SIRT5: variants seen among roughly 807,000 people sequenced by gnomAD.
SIRT5 encodes the protein sirtuin 5, also known as NAD-dependent protein deacylase sirtuin-5, mitochondrial.
A neutral mutation model predicts 40.0 loss-of-function variants in SIRT5; 26 were observed. The observed-to-expected ratio is 0.65, with a 90% CI of 0.48 to 0.90. The LOEUF (loss-of-function observed/expected upper bound fraction) is 0.90. Among genes scored for constraint, SIRT5 ranks in the 40% least tolerant of loss-of-function variants. The pLI is 0.00. For missense variants in SIRT5, 401 were observed against 402.4 expected (o/e 1.00, Z 0.03); for synonymous variants, 146 against 149.1 (o/e 0.98, Z 0.15).
In SIRT5 at chr6:13,578,448, G is replaced by A. The variant is rs1311796519; in HGVS notation, c.-194-1003G>A. On this transcript the variant is annotated intron_variant, in intron 1 of 9. Transcript: ENST00000606117. ...ATCCTGGCTAACACGGTGAAACCCC[G>A]TCTCTACTAAAAATACAAAAAATTA... is the stretch of plus-strand genomic sequence containing the variant. Among the ~76,000 whole-genome samples, 6 of 151,644 alleles carry A rather than the reference G, an allele frequency of 4.0e-5. No homozygotes were observed. In the East Asian group the frequency reaches 7.7e-4, roughly 20 times the overall value.
intron 9 of SIRT5, chr6:13,604,919 C>G: frequency 1.0e-6 from 1 of 1,000,168 alleles, no homozygotes. Context: ...ATCAACCAGA[C>G]TGACCACAAG....
chr6:13,591,752 C>T lies in SIRT5; in HGVS notation c.333C>T (p.Ser111=), dbSNP rs1760931618. The T allele has an allele frequency of 2.5e-6, 4 of 1,613,202 alleles. No individual in the cohort carries two copies. Among genetic ancestry groups the T allele is most frequent in the Non-Finnish European group, 3.4e-6 (4 of 1,179,502 alleles). Residue 111 remains serine (S), a synonymous_variant, in exon 5 of 10, where the codon AGC becomes AGT. Transcript: ENST00000606117. ...ACTACCGGCGGGAGGTCATGGGGAG[C>T]AAGGAGCCCAACGCCGGGCACCGCG... The part of the protein sequence containing the change: ...FYHYRREVMG[S]KEPNAGHRAI...
chr6:13,593,943 A>T (rs1761261816), intron 5 of SIRT5, among the ~76,000 whole-genome samples: 1 of 152,082 alleles, frequency 6.6e-6, no homozygotes, highest in Non-Finnish European at 1.5e-5. Context: ...GTCTCGGGAG[A>T]TGGATGATGC....
At chr6:13,578,857 G>C (rs1758978581) in intron 1 of SIRT5, among the ~76,000 whole-genome samples, 1 of 151,926 alleles carries the variant, frequency 6.6e-6, no homozygotes. Flanking sequence ...TTCATGAAAA[G>C]GCATCGTTAA....
At chr6:13,599,001 C>A in intron 7 of SIRT5, 31 bp from the exon 8 acceptor site, 1 of 1,610,802 alleles carries the variant, frequency 6.2e-7, no homozygotes, top group South Asian at 1.1e-5. Flanking sequence ...AGACTTGGCT[C>A]GGGGTTGGCT....
chr6:13,615,107 T>G lies in SIRT5; in HGVS notation c.*3242T>G, dbSNP rs1764217678. ...GCGATGGCTCTTCCCTGCCTTGAAA[T>G]CAACCCCATTGCCAGCCGCTTTCGC... On this transcript the variant is annotated 3_prime_UTR_variant, in exon 10 of 10. Transcript: ENST00000606117. The G allele has an allele frequency of 2.1e-6, 1 of 469,822 alleles. No homozygotes were observed. Among genetic ancestry groups the G allele is most frequent in the Non-Finnish European group, 3.7e-6 (1 of 268,088 alleles). The allele number at this position is 469,822 out of a possible 1,614,324, so 29.1% of individuals were successfully genotyped here. A position where few individuals can be genotyped will look rare whatever the true frequency, so the allele number is the denominator to read the frequency against.
chr6:13,603,276 CAA>C (rs36093293), intron 9 of SIRT5, among the ~76,000 whole-genome samples: 243 of 49,284 alleles, frequency 4.9e-3, no homozygotes, highest in African/African-American at 0.015. Context: ...GACTCCGTCT[CAA>C]AAAAAAAAAA....
intron 7 of SIRT5, among the ~76,000 whole-genome samples, chr6:13,598,523 A>T (rs1761910749): frequency 6.6e-6 from 1 of 152,182 alleles, no homozygotes; most frequent in African/African-American, 2.4e-5. Flanking sequence ...GTACATACAG[A>T]CAAGATAAAA....
At chr6:13,590,686 T>G (rs1326952898) in intron 4 of SIRT5, among the ~76,000 whole-genome samples, 2 of 152,042 alleles carry the variant, frequency 1.3e-5, no homozygotes, top group Non-Finnish European at 2.9e-5. Context: ...TGTGTAGTTG[T>G]GTATGTAGAT....
At position 13,588,516 on chromosome 6, in the gene SIRT5, A is replaced by G; in HGVS notation, c.249+52A>G. ...AGCCTCTGTCGAATGAAACCATAACAGAGTTTGACTCAAATCCTATACCGA... is the reference window on the plus strand; with the variant it reads ...AGCCTCTGTCGAATGAAACCATAACGGAGTTTGACTCAAATCCTATACCGA... On this transcript the variant is annotated intron_variant, in intron 4 of 9. Transcript: ENST00000606117. 3.2e-6 allele frequency: 5 copies of G among 1,582,904 alleles called. No individual in the cohort carries two copies. In the South Asian group the frequency reaches 3.5e-5, roughly 11 times the overall value.
chr6:13,602,756 T>G (rs1379089030), intron 9 of SIRT5, among the ~76,000 whole-genome samples: 1 of 152,188 alleles, frequency 6.6e-6, no homozygotes, highest in East Asian at 1.9e-4. Flanking sequence ...TGGACCCCTC[T>G]GTCACACCAT....
At chr6:13,604,847 A>G in intron 9 of SIRT5, 1 of 1,046,990 alleles carries the variant, frequency 9.6e-7, no homozygotes, top group Non-Finnish European at 1.1e-6. Flanking sequence ...AAAACCTATG[A>G]TTGTCTCTAA....
chr6:13,584,405 C>A (rs558188594), intron 3 of SIRT5, among the ~76,000 whole-genome samples, 180 bp downstream of exon 3: 77 of 152,124 alleles, frequency 5.1e-4, no homozygotes, highest in African/African-American at 1.7e-3. Context: ...GGCTGGAGTG[C>A]GGTGGTGCGA....
intron 9 of SIRT5, chr6:13,604,421 A>T: frequency 9.4e-7 from 1 of 1,065,238 alleles, no homozygotes. Context: ...AACTTTGTGA[A>T]GCAGGACCTG....
chr6:13,600,807 G>C, intron 8 of SIRT5, 27 bp from the exon 9 acceptor site: 1 of 1,536,328 alleles, frequency 6.5e-7, no homozygotes, highest in Non-Finnish European at 8.9e-7. Flanking sequence ...CTGGCTGTTT[G>C]TTCATCTCCG....
chr6:13,584,975 A>G (rs1353556955), intron 3 of SIRT5: 2 of 152,106 alleles, frequency 1.3e-5, no homozygotes, highest in Non-Finnish European at 2.9e-5. Context: ...GGCTCCATTC[A>G]TGTTTTGGCA....
intron 1 of SIRT5, among the ~76,000 whole-genome samples, 187 bp downstream of exon 1, chr6:13,574,931 T>G (rs1584717240): frequency 6.6e-6 from 1 of 151,832 alleles, no homozygotes; most frequent in Non-Finnish European, 1.5e-5. Context: ...GCTGCCAGGG[T>G]GACCGAGGAA....
Position 13,595,570 on chromosome 6 carries a change from T to C in SIRT5, c.563+6T>C, listed in dbSNP as rs1761464379. On this transcript the variant is annotated splice_donor_region_variant and intron_variant, in intron 6 of 9. Coordinates refer to ENST00000606117, the MANE Select transcript of SIRT5 (RefSeq NM_012241.5). ...CCAGCTTTATCAGGAAAAGGGTAAT[T>C]ATACCACACTACAGAATAAGTATAG... The C allele has an allele frequency of 6.3e-7, 1 of 1,591,810 alleles. No individual in the cohort carries two copies. The highest frequency in any genetic ancestry group is 1.3e-5 in the African/African-American group (1 of 74,466).
In SIRT5 at chr6:13,586,201, T is replaced by C. The variant is rs557669504; in HGVS notation, c.115+1976T>C. Among the ~76,000 whole-genome samples, 8 of 152,354 alleles carry C rather than the reference T, an allele frequency of 5.3e-5. No homozygotes were observed. In the South Asian group the frequency reaches 1.7e-3, roughly 32 times the overall value. On this transcript the variant is annotated intron_variant, in intron 3 of 9. Coordinates refer to ENST00000606117, the MANE Select transcript of SIRT5 (RefSeq NM_012241.5). ...TCTCTCATTCTGTAGGTTGCCTGTT[T>C]ACTCCGATGATAGTTTCTTTTGCTG... is the stretch of plus-strand genomic sequence containing the variant.
Sources: allele counts gnomAD v4.1 joint callset (sites outside exome capture counted in the v4.1 genomes callset), GRCh38; gene constraint gnomAD v4.1.1; transcripts MANE v1.5; gene names NCBI Gene and HGNC (gene_info 2026-07-23, HGNC 2026-07-21).